Variants in PRORP observed in about 807,000 individuals in gnomAD.
The protein encoded by PRORP is protein only RNase P catalytic subunit.
PRORP carries 51 observed loss-of-function variants against 59.4 expected under a neutral mutation model. That is an observed-to-expected ratio of 0.86 (90% CI 0.69 to 1.08). The LOEUF is 1.08. Among genes scored for constraint, PRORP ranks in the 50% least tolerant of loss-of-function variants. The pLI is 0.00. For synonymous variants in PRORP, 231 were observed against 245.6 expected (o/e 0.94, Z 0.55); for missense variants, 646 against 690.3 (o/e 0.94, Z 0.72).
At chr14:35,209,759 C>G (rs1013371914) in intron 5 of PRORP, among the ~76,000 whole-genome samples, 1 of 152,182 alleles carries the variant, frequency 6.6e-6, no homozygotes, top group African/African-American at 2.4e-5. Context: ...TGCTCTTAAA[C>G]TCCTGACCTC....
At chr14:35,178,680 A>G (rs1271136691) in intron 4 of PRORP, among the ~76,000 whole-genome samples, 1 of 152,110 alleles carries the variant, frequency 6.6e-6, no homozygotes, top group Non-Finnish European at 1.5e-5. Context: ...ACACTGATGG[A>G]TCTTGACTCT....
intron 5 of PRORP, among the ~76,000 whole-genome samples, chr14:35,189,354 T>C (rs2048825397): frequency 6.6e-6 from 1 of 151,966 alleles, no homozygotes; most frequent in African/African-American, 2.4e-5. Context: ...ATTATGGGTG[T>C]GAGCCATGGT....
chr14:35,257,484 T>C (rs1402064778), intron 5 of PRORP, among the ~76,000 whole-genome samples: 2 of 152,222 alleles, frequency 1.3e-5, no homozygotes, highest in African/African-American at 4.8e-5. Context: ...CTTTTTTCAC[T>C]TAGTTTTCAA....
chr14:35,206,010 AG>A (rs1275675938), intron 5 of PRORP, among the ~76,000 whole-genome samples: 4 of 152,178 alleles, frequency 2.6e-5, no homozygotes, highest in Non-Finnish European at 5.9e-5. Flanking sequence ...CCTTGACAAC[AG>A]GGTCTGTTAT....
chr14:35,146,254 G>A (rs34658054), intron 4 of PRORP, among the ~76,000 whole-genome samples: 29,185 of 152,094 alleles, frequency 0.19, 3,361 homozygotes, highest in Non-Finnish European at 0.27. Context: ...AAAAAAGGCA[G>A]GCAAATTGCC....
chr14:35,248,171 G>T (rs1566525179), intron 5 of PRORP, among the ~76,000 whole-genome samples: 1 of 152,172 alleles, frequency 6.6e-6, no homozygotes, highest in Non-Finnish European at 1.5e-5. Context: ...GACATGGTGG[G>T]TCTAATGTAA....
chr14:35,224,824 C>T (rs972229275), intron 5 of PRORP, among the ~76,000 whole-genome samples: 3 of 152,166 alleles, frequency 2.0e-5, no homozygotes, highest in Non-Finnish European at 2.9e-5. Flanking sequence ...CCACCTATTT[C>T]CTAGGATTCA....
intron 5 of PRORP, among the ~76,000 whole-genome samples, chr14:35,215,007 A>G (rs1477485138): frequency 6.6e-6 from 1 of 152,102 alleles, no homozygotes; most frequent in Non-Finnish European, 1.5e-5. Context: ...TAAAATATTT[A>G]TTGAATAAAG....
At chr14:35,251,231 CATAT>C in intron 5 of PRORP, among the ~76,000 whole-genome samples, 1 of 151,910 alleles carries the variant, frequency 6.6e-6, no homozygotes, top group Non-Finnish European at 1.5e-5. Flanking sequence ...AGTATTCCAT[CATAT>C]ATATATATGC....
At chr14:35,265,956 T>G (rs2415281) in intron 5 of PRORP, among the ~76,000 whole-genome samples, 7,275 of 150,152 alleles carry the variant, frequency 0.048, 265 homozygotes, top group African/African-American at 0.097. Flanking sequence ...CAGGAGAATT[T>G]CTTGAGGCCA....
chr14:35,228,184 G>A (rs1418174822), intron 5 of PRORP, among the ~76,000 whole-genome samples: 5 of 152,140 alleles, frequency 3.3e-5, no homozygotes, highest in Admixed American at 2.0e-4. Context: ...ATAAGTGCTA[G>A]CTTTACAATA....
Position 35,274,745 on chromosome 14 carries a change from T to A in PRORP, c.*1179T>A, listed in dbSNP as rs548664839. On this transcript the variant is annotated 3_prime_UTR_variant, in exon 8 of 8. Coordinates refer to ENST00000534898, the MANE Select transcript of PRORP (RefSeq NM_014672.4). Reference sequence around the variant, plus strand: ...TTTTTTCTTCATTCTATAATCTCTTTTCCAAATTGGTTCAACATTTTGTGA... The same window carrying A: ...TTTTTTCTTCATTCTATAATCTCTTATCCAAATTGGTTCAACATTTTGTGA... The A allele has an allele frequency of 1.3e-5, 2 of 152,340 alleles. No individual in the cohort carries two copies. Among genetic ancestry groups the A allele is most frequent in the East Asian group, 3.9e-4 (2 of 5,192 alleles). 9.4% of individuals were successfully genotyped at this position (152,340 alleles called of 1,614,324 possible). A position where few individuals can be genotyped will look rare whatever the true frequency, so the allele number is the denominator to read the frequency against.
At chr14:35,249,913 C>A (rs1189541952) in intron 5 of PRORP, among the ~76,000 whole-genome samples, 1 of 152,046 alleles carries the variant, frequency 6.6e-6, no homozygotes, top group African/African-American at 2.4e-5. Context: ...AAGACTAAAT[C>A]ACTTTACATC....
chr14:35,262,378 C>A, intron 5 of PRORP: 10 of 298,040 alleles, frequency 3.4e-5, no homozygotes, highest in Admixed American at 9.1e-5. Flanking sequence ...CCTTTTATTA[C>A]TAGCCCAACT....
Position 35,123,257 on chromosome 14 carries a change from T to A in PRORP, c.12T>A (p.Tyr4Ter). The A allele has an allele frequency of 1.2e-6, 2 of 1,608,786 alleles. No homozygotes were observed. The highest frequency in any genetic ancestry group is 1.7e-6 in the Non-Finnish European group (2 of 1,177,974). MTF[Y>*]LFGIRSFPKL... ...GATCTCACTGCATAATGACTTTCTA[T>A]TTGTTTGGTATTCGAAGCTTTCCGA... The change falls in exon 2 of 8, where the codon TAT becomes TAA. Residue 4 changes from tyrosine to a stop codon, truncating the protein, a stop_gained. Coordinates refer to ENST00000534898, the MANE Select transcript of PRORP (RefSeq NM_014672.4). LOFTEE classifies it high-confidence loss of function.
At chr14:35,151,129 A>G (rs561944941) in intron 4 of PRORP, among the ~76,000 whole-genome samples, 104 of 152,270 alleles carry the variant, frequency 6.8e-4, no homozygotes, top group Non-Finnish European at 1.2e-3. Flanking sequence ...GAATTTTTAG[A>G]AACAGTATTT....
At chr14:35,239,366 A>C (rs2050302860) in intron 5 of PRORP, among the ~76,000 whole-genome samples, 1 of 151,694 alleles carries the variant, frequency 6.6e-6, no homozygotes, top group African/African-American at 2.4e-5. Flanking sequence ...AAAAAAAAAA[A>C]CAAACTACAC....
intron 5 of PRORP, among the ~76,000 whole-genome samples, chr14:35,252,594 C>A (rs1261982638): frequency 1.3e-5 from 2 of 152,150 alleles, no homozygotes; most frequent in Admixed American, 6.5e-5. Context: ...GGTCTCCAAC[C>A]ATGACTGGGC....
intron 5 of PRORP, among the ~76,000 whole-genome samples, chr14:35,242,485 C>T (rs1001118782): frequency 2.6e-5 from 4 of 152,084 alleles, no homozygotes; most frequent in Admixed American, 2.6e-4. Flanking sequence ...GGAGTCAAAT[C>T]ATATCAAATG....
Sources: gnomAD v4.1 joint callset for allele counts (sites outside exome capture counted in the v4.1 genomes callset) on GRCh38, gnomAD v4.1.1 for gene constraint, MANE v1.5 for transcripts, NCBI Gene and HGNC (gene_info 2026-07-23, HGNC 2026-07-21) for gene names.